Variants in ANKS6 observed in about 807,000 individuals in gnomAD.
The protein encoded by ANKS6 is ankyrin repeat and SAM domain-containing protein 6.
A neutral mutation model predicts 77.9 loss-of-function variants in ANKS6; 47 were observed. The ratio of observed to expected loss-of-function variants is 0.60; its 90% CI spans 0.48 to 0.77. The LOEUF is 0.77. ANKS6 is among the 30% of genes least tolerant of loss of function. The pLI, the probability that ANKS6 is intolerant of heterozygous loss-of-function variation, is 0.00. For synonymous variants in ANKS6, 488 were observed against 501.7 expected (o/e 0.97, Z 0.37); for missense variants, 1,150 against 1,159.1 (o/e 0.99, Z 0.11).
rs944637473 is a variant in ANKS6, at chr9:98,737,388, C to T, written c.2512-765G>A. On this transcript the variant is annotated intron_variant, in intron 14 of 14. Transcript: ENST00000353234. ...AAGAATTCAGCAAAGTTTCTGGATA[C>T]AAGATTAACGTACACAAATCAGTAG... 9.2e-5 allele frequency among the ~76,000 whole-genome samples: 14 copies of T among 152,098 alleles called. 1 individual carries two copies. Among genetic ancestry groups the T allele is most frequent in the African/African-American group, 3.4e-4 (14 of 41,396 alleles).
Position 98,796,361 on chromosome 9 carries a change from T to A in ANKS6, c.131A>T (p.Glu44Val). Residue 44 changes from glutamate (E) to valine (V), a missense_variant, in exon 1 of 15, where the codon GAG (glutamate) becomes GTG (valine). Physicochemically the swap from Glu to Val is moderately radical, Grantham distance 121 (BLOSUM62 -2). Coordinates refer to ENST00000353234, the MANE Select transcript of ANKS6 (RefSeq NM_173551.5). ...GGCCCCCGCCGGCTCCGCGCCCGCC[T>A]CCGGCTCCGCGCCGCGCTCGGCTGG... is the stretch of plus-strand genomic sequence containing the variant. Reference protein sequence around the residue: ...AEPAERGAEPEAGAEPAGAEV... With the variant: ...AEPAERGAEPVAGAEPAGAEV... The A allele has an allele frequency of 9.1e-7, 1 of 1,095,880 alleles. No individual in the cohort carries two copies. The highest frequency in any genetic ancestry group is 1.1e-6 in the Non-Finnish European group (1 of 902,676). 67.9% of individuals were successfully genotyped at this position (1,095,880 alleles called of 1,614,324 possible).
intron 2 of ANKS6, among the ~76,000 whole-genome samples, chr9:98,787,232 G>A (rs1268153427): frequency 6.6e-6 from 1 of 152,022 alleles, no homozygotes; most frequent in Non-Finnish European, 1.5e-5. Context: ...CTCTTCCCAG[G>A]GATCCCCCAG....
chr9:98,751,024 C>G lies in ANKS6; in HGVS notation c.2394+5G>C, dbSNP rs778713300. ...TAAATTGACATTCAAAAAGAGCATT[C>G]TTACCTCTTGTTCCTCAAAAATGGG... On this transcript the variant is annotated splice_donor_5th_base_variant and intron_variant, in intron 13 of 14. Coordinates refer to ENST00000353234, the MANE Select transcript of ANKS6 (RefSeq NM_173551.5). 6.2e-7 allele frequency: 1 copy of G among 1,602,980 alleles called. No homozygotes were observed. Among genetic ancestry groups the G allele is most frequent in the Non-Finnish European group, 8.5e-7 (1 of 1,174,630 alleles).
intron 1 of ANKS6, among the ~76,000 whole-genome samples, chr9:98,795,700 C>T (rs1835136725): frequency 6.6e-6 from 1 of 152,164 alleles, no homozygotes; most frequent in Admixed American, 6.5e-5. Flanking sequence ...ACCTGCCCCA[C>T]AGCTACTCAA....
In ANKS6 at chr9:98,791,779, G is replaced by A. The variant is rs574888400; in HGVS notation, c.360-1173C>T. ...GACCTCCCTCCTCCTGGCGGCTGGC[G>A]GCCAGGCCAGGGCTGAACTCTGTCT... On this transcript the variant is annotated intron_variant, in intron 1 of 14. Coordinates refer to ENST00000353234, the MANE Select transcript of ANKS6 (RefSeq NM_173551.5). This position sits in a 1 kb window ranked among gnomAD's most constrained non-coding sequence, Gnocchi z 4.3. Among the ~76,000 whole-genome samples, 5 of 152,156 alleles carry A rather than the reference G, an allele frequency of 3.3e-5. No individual in the cohort carries two copies. The highest frequency in any genetic ancestry group is 1.2e-4 in the African/African-American group (5 of 41,524).
intron 9 of ANKS6, among the ~76,000 whole-genome samples, chr9:98,773,501 G>C (rs1276152380): frequency 2.0e-5 from 3 of 152,200 alleles, no homozygotes; most frequent in Non-Finnish European, 4.4e-5. Context: ...TTGCCGCTGA[G>C]TGTTTGCTCT....
chr9:98,739,351 A>G (rs1021774284), intron 14 of ANKS6, among the ~76,000 whole-genome samples: 3 of 152,252 alleles, frequency 2.0e-5, no homozygotes, highest in Non-Finnish European at 4.4e-5. Flanking sequence ...ATGCACCTGT[A>G]GTCCCAGCTA....
Position 98,733,244 on chromosome 9 carries a change from G to T in ANKS6, c.*3275C>A. On this transcript the variant is annotated 3_prime_UTR_variant, in exon 15 of 15. Coordinates refer to ENST00000353234, the MANE Select transcript of ANKS6 (RefSeq NM_173551.5). ...AACAATCTCCTCACAAAACCAGCTGGCCTCCATGTAATTTTGTGGCGCTGA... is the reference window on the plus strand; with the variant it reads ...AACAATCTCCTCACAAAACCAGCTGTCCTCCATGTAATTTTGTGGCGCTGA... The T allele has an allele frequency of 1.0e-6, 1 of 985,498 alleles. No individual in the cohort carries two copies. Among genetic ancestry groups the T allele is most frequent in the Non-Finnish European group, 1.2e-6 (1 of 830,020 alleles). 61.0% of individuals were successfully genotyped at this position (985,498 alleles called of 1,614,324 possible). A position where few individuals can be genotyped will look rare whatever the true frequency, so the allele number is the denominator to read the frequency against.
chr9:98,777,334 C>T, intron 8 of ANKS6, 71 bp downstream of exon 8: 5 of 1,510,418 alleles, frequency 3.3e-6, no homozygotes, highest in South Asian at 1.1e-5. Flanking sequence ...ACACCTACAT[C>T]CCTCCTTGTA....
In ANKS6 at chr9:98,762,526, T is replaced by C. The variant is rs138349499; in HGVS notation, c.2142+5555A>G. On this transcript the variant is annotated intron_variant, in intron 11 of 14. Coordinates refer to ENST00000353234, the MANE Select transcript of ANKS6 (RefSeq NM_173551.5). ...TTAGGAGGAAAACAATCCTTAACCATCAAGTATAATCCTGGCTATATGTGT... is the reference window on the plus strand; with the variant it reads ...TTAGGAGGAAAACAATCCTTAACCACCAAGTATAATCCTGGCTATATGTGT... Among the ~76,000 whole-genome samples, 477 of 152,278 alleles carry C rather than the reference T, an allele frequency of 3.1e-3. 3 individuals are homozygous for C. Among genetic ancestry groups the C allele is most frequent in the African/African-American group, 0.011 (462 of 41,570 alleles).
intron 14 of ANKS6, among the ~76,000 whole-genome samples, chr9:98,741,546 T>C (rs2131925717): frequency 6.6e-6 from 1 of 152,370 alleles, no homozygotes; most frequent in African/African-American, 2.4e-5. Context: ...TTCACCATTT[T>C]GGTACTGTGT....
In ANKS6 at chr9:98,733,582, T is replaced by C. The variant is rs998765234; in HGVS notation, c.*2937A>G. 2.8e-5 allele frequency: 28 copies of C among 985,370 alleles called. No individual in the cohort carries two copies. Among genetic ancestry groups the C allele is most frequent in the Non-Finnish European group, 3.4e-5 (28 of 829,972 alleles). The allele number at this position is 985,370 out of a possible 1,614,324, so 61.0% of individuals were successfully genotyped here. ...GGCTGCAAGGCCTCTTGGTTGCCGC[T>C]GTTCCAGAAAAAGCGGGGCTTCTCC... On this transcript the variant is annotated 3_prime_UTR_variant, in exon 15 of 15. Coordinates refer to ENST00000353234, the MANE Select transcript of ANKS6 (RefSeq NM_173551.5).
At chr9:98,785,183 G>A (rs1014672344) in intron 2 of ANKS6, among the ~76,000 whole-genome samples, 3 of 152,178 alleles carry the variant, frequency 2.0e-5, no homozygotes, top group East Asian at 1.9e-4. Context: ...TCCTTTCTTA[G>A]ATATACTGAA....
intron 13 of ANKS6, among the ~76,000 whole-genome samples, chr9:98,750,386 T>C (rs891114720): frequency 2.6e-5 from 4 of 152,258 alleles, no homozygotes; most frequent in African/African-American, 4.8e-5. Flanking sequence ...TAACATTCCA[T>C]GGCACAGGCA....
chr9:98,745,507 T>C, intron 14 of ANKS6, 52 bp downstream of exon 14: 1 of 1,533,700 alleles, frequency 6.5e-7, no homozygotes, highest in East Asian at 2.2e-5. Flanking sequence ...AGGACCCTGG[T>C]GAAGCTCTCA....
intron 1 of ANKS6, among the ~76,000 whole-genome samples, chr9:98,794,948 G>C (rs1262493757): frequency 6.6e-6 from 1 of 152,134 alleles, no homozygotes; most frequent in Non-Finnish European, 1.5e-5. Context: ...TCTGATGTGT[G>C]GCCAGGTTTG....
At chr9:98,777,497 G>A (rs1312202530) in intron 7 of ANKS6, 43 bp from the exon 8 acceptor site, 8 of 1,596,206 alleles carry the variant, frequency 5.0e-6, no homozygotes, top group Non-Finnish European at 6.0e-6. Context: ...CCCTCCACGT[G>A]TCCACAGCAT....
chr9:98,737,773 C>T (rs1172067079), intron 14 of ANKS6, among the ~76,000 whole-genome samples: 2 of 152,064 alleles, frequency 1.3e-5, no homozygotes, highest in East Asian at 3.9e-4. Context: ...CCCGCGTAGC[C>T]AAAGCAAGAA....
At chr9:98,736,711 C>T in intron 14 of ANKS6, 88 bp from the exon 15 acceptor site, 2 of 1,470,652 alleles carry the variant, frequency 1.4e-6, no homozygotes, top group South Asian at 1.2e-5. Flanking sequence ...TAATGTTCAA[C>T]TCATACTTCA....
Sources: allele counts gnomAD v4.1 joint callset (sites outside exome capture counted in the v4.1 genomes callset), GRCh38; gene constraint gnomAD v4.1.1; non-coding constraint Gnocchi (gnomAD v3.1); transcripts MANE v1.5; gene names NCBI Gene and HGNC (gene_info 2026-07-23, HGNC 2026-07-21).